CARD10: variants seen among roughly 807,000 people sequenced by gnomAD.
The protein encoded by CARD10 is caspase recruitment domain family member 10.
Under a neutral mutation model 114.6 loss-of-function variants are expected in CARD10, and 49 were observed. The observed-to-expected ratio is 0.43, with a 90% CI of 0.34 to 0.54. The LOEUF (loss-of-function observed/expected upper bound fraction) is 0.54. Among genes scored for constraint, CARD10 ranks in the 20% least tolerant of loss-of-function variants. The pLI, the probability that CARD10 is intolerant of heterozygous loss-of-function variation, is 0.03. For synonymous variants in CARD10, 602 were observed against 593.2 expected (o/e 1.01, Z -0.21); for missense variants, 1,206 against 1,397.2 (o/e 0.86, Z 2.18).
intron 4 of CARD10, chr22:37,509,042 C>T: frequency 6.5e-7 from 1 of 1,550,092 alleles, no homozygotes; most frequent in South Asian, 1.2e-5. Context: ...ATTCCCAAGA[C>T]CTACTCCCAC....
At chr22:37,498,545 A>G (rs1014017732) in intron 11 of CARD10, among the ~76,000 whole-genome samples, 5 of 152,184 alleles carry the variant, frequency 3.3e-5, no homozygotes, top group African/African-American at 9.7e-5. Flanking sequence ...CCCTGCTGCC[A>G]GCCTGGGGAG....
chr22:37,490,374 G>A lies in CARD10; in HGVS notation c.*785C>T, dbSNP rs1235788197. 1 of 152,190 alleles carries A rather than the reference G, an allele frequency of 6.6e-6. No individual in the cohort carries two copies. The highest frequency in any genetic ancestry group is 1.5e-5 in the Non-Finnish European group (1 of 68,058). 9.4% of individuals were successfully genotyped at this position (152,190 alleles called of 1,614,324 possible). A position where few individuals can be genotyped will look rare whatever the true frequency, so the allele number is the denominator to read the frequency against. On this transcript the variant is annotated 3_prime_UTR_variant, in exon 20 of 20. Transcript: ENST00000251973. ...AAGGCCACCAGCATCTATGACAAAAGTGTTTAATGCTCCATAATGTGCAGC... is the reference window on the plus strand; with the variant it reads ...AAGGCCACCAGCATCTATGACAAAAATGTTTAATGCTCCATAATGTGCAGC...
chr22:37,502,167 G>C (rs116940982), intron 11 of CARD10, among the ~76,000 whole-genome samples: 2 of 152,296 alleles, frequency 1.3e-5, no homozygotes, highest in East Asian at 3.9e-4. Flanking sequence ...GGTGACCCAA[G>C]CCCACCCACA....
rs1185600306 is a variant in CARD10 at position 37,509,721 on chromosome 22, G to C, written c.909+491C>G. Among the ~76,000 whole-genome samples the C allele has an allele frequency of 3.4e-4, 31 of 90,400 alleles. 3 individuals carry two copies. The highest frequency in any genetic ancestry group is 6.6e-4 in the Non-Finnish European group (26 of 39,496). 59.3% of individuals were successfully genotyped at this position (90,400 alleles called of 152,430 possible). On this transcript the variant is annotated intron_variant, in intron 4 of 19. Coordinates refer to ENST00000251973, the MANE Select transcript of CARD10 (RefSeq NM_014550.4). Reference sequence around the variant, plus strand: ...CCCCCTCAACCCCCATGGCCACGAGGCCCAGCCCTGGTACCTGCTGCAGGT... The same window carrying C: ...CCCCCTCAACCCCCATGGCCACGAGCCCCAGCCCTGGTACCTGCTGCAGGT...
intron 8 of CARD10, 59 bp from the exon 9 acceptor site, chr22:37,504,360 A>G (rs756352039): frequency 2.8e-5 from 35 of 1,252,356 alleles, no homozygotes; most frequent in Non-Finnish European, 3.6e-5. Flanking sequence ...CCCAGTCCTC[A>G]GCACACCTGG....
At position 37,497,272 on chromosome 22, in the gene CARD10, A is replaced by G. The variant is rs138420055; in HGVS notation, c.1788-94T>C. 3.9e-5 allele frequency: 53 copies of G among 1,361,948 alleles called. No individual in the cohort carries two copies. In the East Asian group the frequency reaches 1.1e-3, roughly 28 times the overall value. The allele number at this position is 1,361,948 out of a possible 1,614,324, so 84.4% of individuals were successfully genotyped here. ...AAAACCACAGTGATTTCATTTCCCA[A>G]GTATGCCATGACTCCCACCCCCAGG... On this transcript the variant is annotated intron_variant, in intron 11 of 19. Coordinates refer to ENST00000251973, the MANE Select transcript of CARD10 (RefSeq NM_014550.4).
At chr22:37,513,075 G>A (rs1173545398) in intron 3 of CARD10, among the ~76,000 whole-genome samples, 1 of 151,982 alleles carries the variant, frequency 6.6e-6, no homozygotes, top group Non-Finnish European at 1.5e-5. Context: ...ATAAATTAAG[G>A]TAAATTTATA....
At chr22:37,494,251 G>A in intron 15 of CARD10, 63 bp from the exon 16 acceptor site, 2 of 1,167,288 alleles carry the variant, frequency 1.7e-6, no homozygotes, top group Non-Finnish European at 2.5e-6. Flanking sequence ...AGGGAGAGGA[G>A]GAAACGGGAC....
chr22:37,494,133 GC>G lies in CARD10; in HGVS notation c.2428del (p.Ala810ArgfsTer55). On this transcript the variant is annotated frameshift_variant, in exon 16 of 20. Transcript: ENST00000251973. LOFTEE classifies it high-confidence loss of function. ...CTGATCCGGGGAGTCCCCTGCAGGCGCCCCCACGGGCTTGGGCCTCACCAGC... is the reference window on the plus strand; with the variant it reads ...CTGATCCGGGGAGTCCCCTGCAGGCGCCCCACGGGCTTGGGCCTCACCAGC... The part of the protein sequence containing the change: ...LRLVRPKPVG[A>X]PAGDSPDQLL... The G allele has an allele frequency of 1.3e-6, 2 of 1,559,760 alleles. No individual in the cohort carries two copies. The highest frequency in any genetic ancestry group is 1.9e-5 in the Admixed American group (1 of 52,334).
Position 37,492,206 on chromosome 22 carries a change from G to C in CARD10, c.2751+229C>G, listed in dbSNP as rs376657294. ...GGATAAGGATGTGTAGGTGAGCTGT[G>C]TCAGCCAAACACCTCAAGGGGGGCC... On this transcript the variant is annotated intron_variant, in intron 18 of 19. Coordinates refer to ENST00000251973, the MANE Select transcript of CARD10 (RefSeq NM_014550.4). The surrounding 1 kb of genome is among the most constrained non-coding windows in gnomAD (Gnocchi z 5.7). Among the ~76,000 whole-genome samples, 70 of 152,196 alleles carry C rather than the reference G, an allele frequency of 4.6e-4. No homozygotes were observed. The East Asian group carries it at 4.6e-3, about 10-fold the overall frequency.
intron 1 of CARD10, among the ~76,000 whole-genome samples, chr22:37,518,536 T>G (rs1923917904): frequency 6.6e-6 from 1 of 152,158 alleles, no homozygotes; most frequent in Admixed American, 6.5e-5. Flanking sequence ...CACGTAAAGC[T>G]GAGACGGATC....
At position 37,504,688 on chromosome 22, in the gene CARD10, G is replaced by T; in HGVS notation, c.1465C>A (p.Pro489Thr). ...LSEFPSPLGG[P>T]EATGEAAVMG... ...ACAGCTGCCTCCCCAGTTGCTTCTG[G>T]GCCTCCCAGAGGGGAGGGGAACTCG... is the stretch of plus-strand genomic sequence containing the variant. Residue 489 changes from proline to threonine, a missense_variant, in exon 8 of 20, where the codon CCA becomes ACA. Transcript: ENST00000251973. 6.3e-7 allele frequency: 1 copy of T among 1,577,210 alleles called. No homozygotes were observed. Among genetic ancestry groups the T allele is most frequent in the South Asian group, 1.2e-5 (1 of 85,268 alleles).
chr22:37,500,290 C>T (rs948042321), intron 11 of CARD10, among the ~76,000 whole-genome samples: 4 of 152,196 alleles, frequency 2.6e-5, no homozygotes, highest in African/African-American at 9.7e-5. Context: ...TTTGCAAGGA[C>T]AGAAGGTGCC....
At chr22:37,512,428 T>C (rs6000756) in intron 3 of CARD10, among the ~76,000 whole-genome samples, 69,549 of 143,958 alleles carry the variant, frequency 0.48, 18,047 homozygotes, top group African/African-American at 0.68. Context: ...ACTTGCTAGT[T>C]CCCCAGCCTT....
intron 11 of CARD10, among the ~76,000 whole-genome samples, chr22:37,497,780 G>A (rs1247712456): frequency 6.6e-6 from 1 of 151,736 alleles, no homozygotes; most frequent in Non-Finnish European, 1.5e-5. Flanking sequence ...CTTGAACCCA[G>A]GAGGCAGAGG....
At chr22:37,494,359 C>G in intron 15 of CARD10, 171 bp from the exon 16 acceptor site, 1 of 603,334 alleles carries the variant, frequency 1.7e-6, no homozygotes, top group Non-Finnish European at 2.9e-6. Flanking sequence ...TCCCCTGCCC[C>G]TCCCCAGCCC....
intron 11 of CARD10, among the ~76,000 whole-genome samples, chr22:37,500,926 C>A (rs1430647014): frequency 5.9e-5 from 9 of 152,204 alleles, no homozygotes; most frequent in Non-Finnish European, 1.2e-4. Flanking sequence ...AAGGGACAGG[C>A]ACTATGTGAG....
chr22:37,509,490 T>G (rs569349005), intron 4 of CARD10, among the ~76,000 whole-genome samples: 2 of 152,136 alleles, frequency 1.3e-5, no homozygotes, highest in Admixed American at 1.3e-4. Context: ...CATCCAGATC[T>G]CAGATCCCTG....
At chr22:37,503,064 C>T (rs376330385) in intron 10 of CARD10, 121 bp downstream of exon 10, 20 of 1,126,990 alleles carry the variant, frequency 1.8e-5, no homozygotes, top group Middle Eastern at 2.0e-4. Context: ...GGGGCCACGG[C>T]GGGGCTTCAG....
Sources: gnomAD v4.1 joint callset for allele counts (sites outside exome capture counted in the v4.1 genomes callset) on GRCh38, gnomAD v4.1.1 for gene constraint, Gnocchi (gnomAD v3.1) non-coding constraint, MANE v1.5 for transcripts, NCBI Gene and HGNC (gene_info 2026-07-23, HGNC 2026-07-21) for gene names.